The following GPC3 variants were observed in gnomAD, a reference collection of about 807,000 sequenced individuals.
GPC3 encodes glypican 3, also known as glypican-3.
Under a neutral mutation model 34.4 loss-of-function variants are expected in GPC3, and 3 were observed. The observed-to-expected ratio is 0.09, with a 90% CI of 0.04 to 0.23. GPC3 has a LOEUF of 0.23. Among genes scored for constraint, GPC3 ranks in the 10% least tolerant of loss-of-function variants. The pLI is 1.00. For synonymous variants in GPC3, 177 were observed against 174.0 expected, an observed-to-expected ratio of 1.02 and a Z score of -0.13; for missense variants, 351 against 445.6, an observed-to-expected ratio of 0.79 and a Z score of 1.91.
chrX:133,722,969 G>A lies in GPC3; in HGVS notation c.1033-22941C>T, dbSNP rs1292574988. Among the ~76,000 whole-genome samples the A allele has an allele frequency of 3.6e-5, 4 of 111,419 alleles. No individual in the cohort carries two copies. In the Admixed American group the frequency reaches 3.8e-4, roughly 11 times the overall value. On this transcript the variant is annotated intron_variant, in intron 3 of 7. Coordinates refer to ENST00000370818, the MANE Select transcript of GPC3 (RefSeq NM_004484.4). ...CAGCATTACACATTGCTATCGTCCC[G>A]GGCCTTCCTGTCTACAGATGTTATT...
At chrX:133,592,229 C>T (rs2124325181) in intron 7 of GPC3, among the ~76,000 whole-genome samples, 1 of 107,067 alleles carries the variant, frequency 9.3e-6, no homozygotes, top group African/African-American at 3.4e-5. Flanking sequence ...CACCCGTTAA[C>T]TGGTCATTTA....
At chrX:133,955,519 C>T (rs1410793252) in intron 1 of GPC3, among the ~76,000 whole-genome samples, 1 of 111,551 alleles carries the variant, frequency 9.0e-6, no homozygotes, top group Non-Finnish European at 1.9e-5. Context: ...CAACTGGCAT[C>T]TGCTTCTCAG....
At position 133,814,490 on chromosome X, in the gene GPC3, A is replaced by G. The variant is rs369395827; in HGVS notation, c.338-60314T>C. Among the ~76,000 whole-genome samples, 5 of 111,370 alleles carry G rather than the reference A, an allele frequency of 4.5e-5. 1 individual carries two copies. The East Asian group carries it at 1.4e-3, about 31-fold the overall frequency. The stretch of plus-strand genomic sequence containing the variant: ...CTTGTTTGAGATGCTACATTCTGTC[A>G]AAATCAGAGATCAAAATCCTAGGAT... On this transcript the variant is annotated intron_variant, in intron 2 of 7. Coordinates refer to ENST00000370818, the MANE Select transcript of GPC3 (RefSeq NM_004484.4).
intron 2 of GPC3, among the ~76,000 whole-genome samples, chrX:133,808,927 C>CATATATAGAT (rs1348406010): frequency 8.9e-6 from 1 of 112,055 alleles, no homozygotes; most frequent in African/African-American, 3.2e-5. Flanking sequence ...GGACAAGACA[C>CATATATAGAT]ATATATAGAC....
At chrX:133,701,118 CT>C (rs1223070890) in intron 3 of GPC3, among the ~76,000 whole-genome samples, 1 of 111,137 alleles carries the variant, frequency 9.0e-6, no homozygotes, top group African/African-American at 3.3e-5. Context: ...TATAGCAATA[CT>C]TTTTTTAAAA....
intron 1 of GPC3, among the ~76,000 whole-genome samples, chrX:133,969,301 T>A (rs2076479402): frequency 9.0e-6 from 1 of 111,660 alleles, no homozygotes; most frequent in Admixed American, 9.5e-5. Flanking sequence ...ACCACCCTGC[T>A]TACCTAAATG....
intron 2 of GPC3, among the ~76,000 whole-genome samples, chrX:133,784,603 G>A (rs2072083851): frequency 8.9e-6 from 1 of 112,117 alleles, no homozygotes; most frequent in African/African-American, 3.2e-5. Context: ...TCCATTTCTA[G>A]GACCGCTCCC....
chrX:133,955,353 T>C (rs907816830), intron 1 of GPC3, among the ~76,000 whole-genome samples: 3 of 111,113 alleles, frequency 2.7e-5, no homozygotes, highest in Admixed American at 9.6e-5. Context: ...CTACTCAACC[T>C]TCCTTCCTTT....
chrX:133,858,287 G>A (rs923043886), intron 2 of GPC3, among the ~76,000 whole-genome samples: 30 of 111,949 alleles, frequency 2.7e-4, no homozygotes, highest in Admixed American at 4.7e-4. Flanking sequence ...AGGAAAAGGC[G>A]TCCCCGCTGG....
intron 7 of GPC3, among the ~76,000 whole-genome samples, chrX:133,580,639 C>T (rs2082529443): frequency 8.9e-6 from 1 of 111,834 alleles, no homozygotes; most frequent in South Asian, 3.8e-4. Context: ...GCATGAAATC[C>T]CTGGGTTCCT....
intron 1 of GPC3, among the ~76,000 whole-genome samples, chrX:133,958,886 G>GAA (rs767192117): frequency 8.2e-5 from 5 of 60,637 alleles, no homozygotes; most frequent in Non-Finnish European, 9.4e-5. Context: ...ACTTCGTCTC[G>GAA]AAAAAAAAAA....
chrX:133,879,240 A>G (rs2076030725), intron 2 of GPC3, among the ~76,000 whole-genome samples: 1 of 110,230 alleles, frequency 9.1e-6, no homozygotes, highest in Non-Finnish European at 1.9e-5. Flanking sequence ...CTGGGAGATA[A>G]CAAAATTTAC....
chrX:133,670,278 C>T (rs1185272836), intron 5 of GPC3, among the ~76,000 whole-genome samples: 1 of 111,403 alleles, frequency 9.0e-6, no homozygotes, highest in Non-Finnish European at 1.9e-5. Context: ...AATCTGATAC[C>T]CAGACAGGGA....
At chrX:133,883,004 T>C (rs2076048499) in intron 2 of GPC3, among the ~76,000 whole-genome samples, 1 of 110,938 alleles carries the variant, frequency 9.0e-6, no homozygotes, top group Non-Finnish European at 1.9e-5. Context: ...CTGAGCATCA[T>C]TTACTTAAAG....
intron 2 of GPC3, among the ~76,000 whole-genome samples, chrX:133,757,440 A>G (rs1040221804): frequency 2.7e-5 from 3 of 111,040 alleles, no homozygotes; most frequent in African/African-American, 9.8e-5. Flanking sequence ...AACTTCTACT[A>G]CCCCCCAGGA....
chrX:133,558,610 C>T (rs980132080), intron 7 of GPC3, among the ~76,000 whole-genome samples: 18 of 110,834 alleles, frequency 1.6e-4, no homozygotes, highest in Non-Finnish European at 3.4e-4. Context: ...AATGTGTCAT[C>T]GGCCAGGTGC....
intron 6 of GPC3, among the ~76,000 whole-genome samples, chrX:133,644,014 G>A (rs750658341): frequency 3.7e-5 from 4 of 109,556 alleles, no homozygotes; most frequent in Non-Finnish European, 7.6e-5. Context: ...TTTTAGTAGA[G>A]ACGGGGTTTC....
chrX:133,853,418 C>A (rs2075884907), intron 2 of GPC3, among the ~76,000 whole-genome samples: 1 of 111,820 alleles, frequency 8.9e-6, no homozygotes, highest in Non-Finnish European at 1.9e-5. Context: ...CATTTCTCTC[C>A]TCTCCAAGTA....
intron 7 of GPC3, among the ~76,000 whole-genome samples, chrX:133,571,616 C>T (rs2069632936): frequency 8.9e-6 from 1 of 111,769 alleles, no homozygotes; most frequent in Non-Finnish European, 1.9e-5. Context: ...TTAACATATC[C>T]GGTCCCTATG....
Sources: gnomAD v4.1 joint callset for allele counts (sites outside exome capture counted in the v4.1 genomes callset) on GRCh38, gnomAD v4.1.1 for gene constraint, MANE v1.5 for transcripts, NCBI Gene and HGNC (gene_info 2026-07-23, HGNC 2026-07-21) for gene names.